Variants in DNAI3 observed in about 807,000 individuals in gnomAD.
DNAI3 encodes dynein axonemal intermediate chain 3, also known as WD repeat domain 63.
A neutral mutation model predicts 115.5 loss-of-function variants in DNAI3; 83 were observed. That is an observed-to-expected ratio of 0.72 (90% CI 0.60 to 0.86). The LOEUF is 0.86. DNAI3 is among the 40% of genes least tolerant of loss of function. The pLI, the probability that DNAI3 is intolerant of heterozygous loss-of-function variation, is 0.00. For synonymous variants in DNAI3, 320 were observed against 347.0 expected (o/e 0.92, Z 0.86); for missense variants, 1,004 against 1,075.8 (o/e 0.93, Z 0.93).
chr1:85,107,629 T>C (rs1655528741), intron 14 of DNAI3, among the ~76,000 whole-genome samples: 1 of 152,172 alleles, frequency 6.6e-6, no homozygotes, highest in Non-Finnish European at 1.5e-5. Context: ...CATGAGGTTT[T>C]TTGGTGAGGT....
intron 14 of DNAI3, among the ~76,000 whole-genome samples, chr1:85,106,295 C>T (rs1655489088): frequency 6.6e-6 from 1 of 152,106 alleles, no homozygotes; most frequent in Non-Finnish European, 1.5e-5. Flanking sequence ...ACTTTTTGAG[C>T]TTCCAAAGTT....
intron 6 of DNAI3, 139 bp downstream of exon 6, chr1:85,084,834 A>C (rs750986743): frequency 5.8e-6 from 5 of 858,912 alleles, no homozygotes; most frequent in Non-Finnish European, 7.9e-6. Context: ...CTTTTATAGA[A>C]GAATGGTCAT....
intron 22 of DNAI3, among the ~76,000 whole-genome samples, chr1:85,130,682 T>C (rs1179617260): frequency 1.2e-5 from 1 of 83,202 alleles, no homozygotes; most frequent in Non-Finnish European, 2.5e-5. Context: ...GATAGATAGA[T>C]AGATAGATAG....
At chr1:85,100,237 A>G (rs865935776) in intron 13 of DNAI3, among the ~76,000 whole-genome samples, 22 of 152,348 alleles carry the variant, frequency 1.4e-4, no homozygotes, top group African/African-American at 3.1e-4. Context: ...ACAAAGGGCT[A>G]CTATCCAGAA....
At chr1:85,071,467 T>G (rs1654270861) in intron 1 of DNAI3, among the ~76,000 whole-genome samples, 1 of 152,196 alleles carries the variant, frequency 6.6e-6, no homozygotes, top group African/African-American at 2.4e-5. Context: ...ATGAGCTCAA[T>G]TACGTTAATT....
chr1:85,081,593 A>G (rs1292959337), intron 4 of DNAI3, among the ~76,000 whole-genome samples, 178 bp downstream of exon 4: 1 of 152,194 alleles, frequency 6.6e-6, no homozygotes, highest in East Asian at 1.9e-4. Flanking sequence ...GCAAAGTTCC[A>G]TCAATGACTT....
intron 16 of DNAI3, among the ~76,000 whole-genome samples, chr1:85,111,416 A>T (rs186902683): frequency 2.0e-5 from 3 of 152,280 alleles, no homozygotes; most frequent in South Asian, 2.1e-4. Flanking sequence ...GTTATAATGT[A>T]TCACATTCCA....
intron 13 of DNAI3, 54 bp from the exon 14 acceptor site, chr1:85,104,470 G>A: frequency 5.6e-6 from 8 of 1,439,696 alleles, no homozygotes; most frequent in Non-Finnish European, 7.8e-6. Flanking sequence ...GAATTTAAAA[G>A]GTAAATAGCT....
At chr1:85,128,125 C>CAAAAAAAAAAAA (rs11344833) in intron 20 of DNAI3, among the ~76,000 whole-genome samples, 28 of 64,378 alleles carry the variant, frequency 4.3e-4, no homozygotes, top group East Asian at 1.0e-3. Flanking sequence ...GACCCTGTCT[C>CAAAAAAAAAAAA]AAAAAAAAAA....
Position 85,085,887 on chromosome 1 carries a change from T to G in DNAI3, c.597T>G (p.Ser199Arg). 1 of 1,614,210 alleles carries G rather than the reference T, an allele frequency of 6.2e-7. No individual in the cohort carries two copies. Among genetic ancestry groups the G allele is most frequent in the Non-Finnish European group, 8.5e-7 (1 of 1,180,036 alleles). Residue 199 changes from serine (S) to arginine (R), a missense_variant, in exon 7 of 23, where the codon AGT becomes AGG. Coordinates refer to ENST00000294664, the MANE Select transcript of DNAI3 (RefSeq NM_145172.5). ...AATTTGGTGCACCAATTAAGTTCAG[T>G]GACCAGAATGCTTCCAGTGTAAAAG... ...RSEFGAPIKFSDQNASSVKDA... is the reference protein window; with the variant it reads ...RSEFGAPIKFRDQNASSVKDA...
chr1:85,074,436 T>C (rs1654389666), intron 3 of DNAI3, among the ~76,000 whole-genome samples: 1 of 152,224 alleles, frequency 6.6e-6, no homozygotes, highest in African/African-American at 2.4e-5. Flanking sequence ...CCCATCAGCC[T>C]TGCTTAGCAC....
intron 10 of DNAI3, among the ~76,000 whole-genome samples, chr1:85,095,535 G>C (rs187146390): frequency 6.6e-6 from 1 of 151,866 alleles, no homozygotes; most frequent in Non-Finnish European, 1.5e-5. Context: ...GGAGTGCCTG[G>C]CTCAGTATTC....
chr1:85,087,391 G>T (rs1248936201), intron 7 of DNAI3, among the ~76,000 whole-genome samples: 1 of 128,058 alleles, frequency 7.8e-6, no homozygotes, highest in Non-Finnish European at 1.6e-5. Flanking sequence ...AGCCAAGATA[G>T]TGCCACTGCA....
chr1:85,076,327 A>G (rs564135189), intron 3 of DNAI3, among the ~76,000 whole-genome samples: 1 of 152,308 alleles, frequency 6.6e-6, no homozygotes, highest in African/African-American at 2.4e-5. Context: ...AATGTTTTAA[A>G]AAATGAAAAA....
chr1:85,088,090 G>A (rs1013620602), intron 7 of DNAI3, among the ~76,000 whole-genome samples: 1 of 151,754 alleles, frequency 6.6e-6, no homozygotes, highest in Admixed American at 6.6e-5. Context: ...AAGAAGTGAG[G>A]GCAAGAGAGG....
chr1:85,101,749 A>AAAAAAAAAAAAAAAAAAAAC (rs1655325118), intron 13 of DNAI3, among the ~76,000 whole-genome samples: 1 of 149,992 alleles, frequency 6.7e-6, no homozygotes, highest in South Asian at 2.1e-4. Context: ...AAAAAAAAAA[A>AAAAAAAAAAAAAAAAAAAAC]AAAGGAAAAT....
chr1:85,097,090 A>T (rs996054664), intron 11 of DNAI3, among the ~76,000 whole-genome samples: 1 of 152,036 alleles, frequency 6.6e-6, no homozygotes, highest in Admixed American at 6.6e-5. Context: ...ACTTGTTTTT[A>T]AAAAATGGCC....
At chr1:85,064,078 T>C (rs1654019285) in intron 1 of DNAI3, among the ~76,000 whole-genome samples, 1 of 152,328 alleles carries the variant, frequency 6.6e-6, no homozygotes, top group Non-Finnish European at 1.5e-5. Context: ...CAAATTATTT[T>C]ATCATAATTT....
intron 8 of DNAI3, among the ~76,000 whole-genome samples, chr1:85,090,512 A>G (rs1396356885): frequency 3.3e-5 from 5 of 152,182 alleles, no homozygotes; most frequent in African/African-American, 1.2e-4. Flanking sequence ...TGTATTTACC[A>G]TGGTTACTTT....
Sources: allele counts gnomAD v4.1 joint callset (sites outside exome capture counted in the v4.1 genomes callset), GRCh38; gene constraint gnomAD v4.1.1; transcripts MANE v1.5; gene names NCBI Gene and HGNC (gene_info 2026-07-23, HGNC 2026-07-21).